Variants in CCL21 observed in about 807,000 individuals in gnomAD.
CCL21 encodes C-C motif chemokine ligand 21.
CCL21 carries 12 observed loss-of-function variants against 16.4 expected under a neutral mutation model. The observed-to-expected ratio is 0.73, with a 90% CI of 0.47 to 1.18. The LOEUF is 1.18. Among genes scored for constraint, CCL21 ranks in the 50% most tolerant of loss-of-function variants. The pLI, the probability that CCL21 is intolerant of heterozygous loss-of-function variation, is 0.00. For synonymous variants in CCL21, 64 were observed against 62.1 expected, an observed-to-expected ratio of 1.03 and a Z score of -0.15; for missense variants, 155 against 163.8, an observed-to-expected ratio of 0.95 and a Z score of 0.29.
At position 34,709,607 on chromosome 9, in the gene CCL21, CT is replaced by C. The variant is rs770770128; in HGVS notation, c.263del (p.Gln88ArgfsTer110). The C allele has an allele frequency of 6.2e-7, 1 of 1,614,048 alleles. No individual in the cohort carries two copies. The highest frequency in any genetic ancestry group is 8.5e-7 in the Non-Finnish European group (1 of 1,180,012). The stretch of plus-strand genomic sequence containing the variant: ...GTGGGGATGGTGTCTTGTCCAGATG[CT>C]GCATCAGCTGCTGCACCCAGAGCTC... Reference protein sequence around the residue: ...PKELWVQQLMQHLDKTPSPQK... With the variant: ...PKELWVQQLMXHLDKTPSPQK... On this transcript the variant is annotated frameshift_variant, in exon 3 of 4. Transcript: ENST00000259607. LOFTEE classifies it high-confidence loss of function.
Position 34,709,403 on chromosome 9 carries a change from T to A in CCL21, c.396A>T (p.Lys132Asn), listed in dbSNP as rs767802042. 6.2e-7 allele frequency: 1 copy of A among 1,609,244 alleles called. No individual in the cohort carries two copies. The highest frequency in any genetic ancestry group is 1.3e-5 in the African/African-American group (1 of 74,492). Reference protein sequence around the residue: ...CKRTERSQTPKGP With the variant: ...CKRTERSQTPNGP Reference sequence around the variant, plus strand: ...CAGGCTGCTCACTGGGCTATGGCCCTTTAGGGGTCTGTGACCGCTCAGTCC... The same window carrying A: ...CAGGCTGCTCACTGGGCTATGGCCCATTAGGGGTCTGTGACCGCTCAGTCC... The change falls in exon 4 of 4, where the codon AAA (lysine) becomes AAT (asparagine). Residue 132 changes from lysine to asparagine, a missense_variant. Physicochemically the swap from Lys to Asn is moderately conservative, Grantham distance 94 (BLOSUM62 0). Coordinates refer to ENST00000259607, the MANE Select transcript of CCL21 (RefSeq NM_002989.4).
chr9:34,709,195 G>T lies in CCL21; in HGVS notation c.*199C>A. On this transcript the variant is annotated 3_prime_UTR_variant, in exon 4 of 4. Coordinates refer to ENST00000259607, the MANE Select transcript of CCL21 (RefSeq NM_002989.4). ...TCCTCGGTCTCTCTGGACCTGGCCT[G>T]CTGTGGGCAGCTCAGCCATGCAGGG... The T allele has an allele frequency of 1.5e-6, 1 of 671,766 alleles. No homozygotes were observed. Among genetic ancestry groups the T allele is most frequent in the East Asian group, 2.7e-5 (1 of 37,430 alleles). The allele number at this position is 671,766 out of a possible 1,614,324, so 41.6% of individuals were successfully genotyped here.
Position 34,709,761 on chromosome 9 carries a change from C to T in CCL21, c.188+16G>A. ...CCCCGTCACCAGCCAGTACCCACCC[C>T]TTTGTGTCCACTCACAGGATAGCTG... On this transcript the variant is annotated intron_variant, in intron 2 of 3. Transcript: ENST00000259607. 1 of 1,614,198 alleles carries T rather than the reference C, an allele frequency of 6.2e-7. No individual in the cohort carries two copies. Among genetic ancestry groups the T allele is most frequent in the South Asian group, 1.1e-5 (1 of 91,086 alleles).
rs539376444 is a variant in CCL21 at position 34,709,807 on chromosome 9, G to C, written c.158C>G (p.Pro53Arg). ...KVVRSYRKQEPSLGCSIPAIL... is the reference protein window; with the variant it reads ...KVVRSYRKQERSLGCSIPAIL... ...AGCTGGGATGGAGCAGCCTAAGCTTGGTTCCTGCTTCCGGTAGCTGCGGAC... is the reference window on the plus strand; with the variant it reads ...AGCTGGGATGGAGCAGCCTAAGCTTCGTTCCTGCTTCCGGTAGCTGCGGAC... Residue 53 changes from proline (P) to arginine (R), a missense_variant, in exon 2 of 4, where the codon CCA becomes CGA. Coordinates refer to ENST00000259607, the MANE Select transcript of CCL21 (RefSeq NM_002989.4). 2.5e-5 allele frequency: 40 copies of C among 1,614,074 alleles called. No homozygotes were observed. Among genetic ancestry groups the C allele is most frequent in the Non-Finnish European group, 3.3e-5 (39 of 1,179,998 alleles).
chr9:34,710,096 G>A lies in CCL21; in HGVS notation c.-30C>T, dbSNP rs1821963302. ...GTGGTAGAGGGTGAGTAAGAGGCCA[G>A]AGCTGAGGGTGAGGTGGGCAGCTGC... On this transcript the variant is annotated 5_prime_UTR_variant, in exon 1 of 4. Coordinates refer to ENST00000259607, the MANE Select transcript of CCL21 (RefSeq NM_002989.4). The A allele has an allele frequency of 6.2e-7, 1 of 1,603,474 alleles. No individual in the cohort carries two copies. The highest frequency in any genetic ancestry group is 2.2e-5 in the East Asian group (1 of 44,616).
rs759733358 is a variant in CCL21, at chr9:34,709,648, A to G, written c.223T>C (p.Cys75Arg). The change falls in exon 3 of 4, where the codon TGT becomes CGT. Residue 75 changes from cysteine to arginine, a missense_variant. Transcript: ENST00000259607. Reference sequence around the variant, plus strand: ...ACCCAGAGCTCCTTTGGGTCTGCACATAGCTCTGCCTGAGAGCGCTTGCGG... The same window carrying G: ...ACCCAGAGCTCCTTTGGGTCTGCACGTAGCTCTGCCTGAGAGCGCTTGCGG... ...LPRKRSQAEL[C>R]ADPKELWVQQ... The G allele has an allele frequency of 6.2e-7, 1 of 1,614,144 alleles. No homozygotes were observed.
intron 2 of CCL21, 26 bp downstream of exon 2, chr9:34,709,751 G>T: frequency 1.9e-6 from 3 of 1,607,584 alleles, no homozygotes; most frequent in African/African-American, 2.7e-5. Flanking sequence ...TCACCAGCCA[G>T]TACCCACCCC....
Position 34,709,296 on chromosome 9 carries a change from A to G in CCL21, c.*98T>C. 7.0e-7 allele frequency: 1 copy of G among 1,432,684 alleles called. No individual in the cohort carries two copies. The highest frequency in any genetic ancestry group is 9.6e-7 in the Non-Finnish European group (1 of 1,036,442). The allele number at this position is 1,432,684 out of a possible 1,614,324, so 88.7% of individuals were successfully genotyped here. A position where few individuals can be genotyped will look rare whatever the true frequency, so the allele number is the denominator to read the frequency against. ...AAGGCCAGCATGGGGTGGCTGCTCCAGGGCCCCTGAGCATAGCCTCCTTCT... is the reference window on the plus strand; with the variant it reads ...AAGGCCAGCATGGGGTGGCTGCTCCGGGGCCCCTGAGCATAGCCTCCTTCT... On this transcript the variant is annotated 3_prime_UTR_variant, in exon 4 of 4. Coordinates refer to ENST00000259607, the MANE Select transcript of CCL21 (RefSeq NM_002989.4).
Position 34,709,672 on chromosome 9 carries a change from G to T in CCL21, c.199C>A (p.Arg67Ser). 6.2e-7 allele frequency: 1 copy of T among 1,613,972 alleles called. No individual in the cohort carries two copies. Among genetic ancestry groups the T allele is most frequent in the Non-Finnish European group, 8.5e-7 (1 of 1,179,914 alleles). Reference protein sequence around the residue: ...CSIPAILFLPRKRSQAELCAD... With the variant: ...CSIPAILFLPSKRSQAELCAD... Reference sequence around the variant, plus strand: ...CATAGCTCTGCCTGAGAGCGCTTGCGGGGCAAGAACCTGCGGGTGGGGGCT... The same window carrying T: ...CATAGCTCTGCCTGAGAGCGCTTGCTGGGCAAGAACCTGCGGGTGGGGGCT... The change falls in exon 3 of 4, where the codon CGC (arginine) becomes AGC (serine). Residue 67 changes from arginine (R) to serine (S), a missense_variant. Coordinates refer to ENST00000259607, the MANE Select transcript of CCL21 (RefSeq NM_002989.4).
chr9:34,709,918 G>A (rs755068935), intron 1 of CCL21, 21 bp from the exon 2 acceptor site: 21 of 1,614,058 alleles, frequency 1.3e-5, no homozygotes, highest in Non-Finnish European at 5.1e-6. Flanking sequence ...GGATTCACAG[G>A]GAGCCAGGGG....
chr9:34,709,094 G>T lies in CCL21; in HGVS notation c.*300C>A, dbSNP rs1821947362. The T allele has an allele frequency of 4.0e-6, 2 of 501,798 alleles. No homozygotes were observed. The highest frequency in any genetic ancestry group is 7.0e-6 in the Non-Finnish European group (2 of 285,282). The allele number at this position is 501,798 out of a possible 1,614,324, so 31.1% of individuals were successfully genotyped here. On this transcript the variant is annotated 3_prime_UTR_variant, in exon 4 of 4. Transcript: ENST00000259607. ...TGGGGTGTACTGGGGAGCCGTATCA[G>T]GTCCAGGGTCCTGATGATTCTCCTT... is the stretch of plus-strand genomic sequence containing the variant.
In CCL21 at chr9:34,709,434, G is replaced by A. The variant is rs1303469606; in HGVS notation, c.372-7C>T. On this transcript the variant is annotated splice_polypyrimidine_tract_variant and splice_region_variant and intron_variant, in intron 3 of 3. Coordinates refer to ENST00000259607, the MANE Select transcript of CCL21 (RefSeq NM_002989.4). ...GGTCTGTGACCGCTCAGTCCTGTGA[G>A]GGCAGAAGAGGGGTGTGAGGGGCTG... 2.5e-6 allele frequency: 4 copies of A among 1,612,602 alleles called. No individual in the cohort carries two copies. The highest frequency in any genetic ancestry group is 1.3e-5 in the African/African-American group (1 of 74,726).
chr9:34,709,312 GCCT>G lies in CCL21; in HGVS notation c.*79_*81del. 6.5e-7 allele frequency: 1 copy of G among 1,541,126 alleles called. No homozygotes were observed. The highest frequency in any genetic ancestry group is 1.9e-5 in the Admixed American group (1 of 52,392). ...GGCTGCTCCAGGGCCCCTGAGCATA[GCCT>G]CCTTCTTGCATCTTGGGTTCAGGCT... On this transcript the variant is annotated 3_prime_UTR_variant, in exon 4 of 4. Transcript: ENST00000259607.
Position 34,709,369 on chromosome 9 carries a change from C to T in CCL21, c.*25G>A, listed in dbSNP as rs770321160. The T allele has an allele frequency of 3.7e-6, 6 of 1,604,704 alleles. No individual in the cohort carries two copies. In the South Asian group the frequency reaches 6.7e-5, roughly 18 times the overall value. ...AGCGCTGGTGAGGCTGGTGGGGTCTCCAGGGCTCCAGGCTGCTCACTGGGC... is the reference window on the plus strand; with the variant it reads ...AGCGCTGGTGAGGCTGGTGGGGTCTTCAGGGCTCCAGGCTGCTCACTGGGC... On this transcript the variant is annotated 3_prime_UTR_variant, in exon 4 of 4. Transcript: ENST00000259607.
rs776864576 is a variant in CCL21 at position 34,709,542 on chromosome 9, G to A, written c.329C>T (p.Ser110Phe). 31 of 1,614,004 alleles carry A rather than the reference G, an allele frequency of 1.9e-5. No individual in the cohort carries two copies. In the African/African-American group the frequency reaches 3.3e-4, roughly 17 times the overall value. The change falls in exon 3 of 4, where the codon TCC becomes TTC. Residue 110 changes from serine to phenylalanine, a missense_variant. Physicochemically the swap from Ser to Phe is radical, Grantham distance 155. Coordinates refer to ENST00000259607, the MANE Select transcript of CCL21 (RefSeq NM_002989.4). ...GCCCTTTCCTTTCTTGCCAGTCTTGGAGGCCCCCCTGTCCTTCCTGCAGCC... is the reference window on the plus strand; with the variant it reads ...GCCCTTTCCTTTCTTGCCAGTCTTGAAGGCCCCCCTGTCCTTCCTGCAGCC... ...AQGCRKDRGA[S>F]KTGKKGKGSK...
Position 34,709,604 on chromosome 9 carries a change from A to C in CCL21, c.267T>G (p.His89Gln), listed in dbSNP as rs939141004. 18 of 1,613,970 alleles carry C rather than the reference A, an allele frequency of 1.1e-5. No individual in the cohort carries two copies. The highest frequency in any genetic ancestry group is 1.5e-5 in the Non-Finnish European group (18 of 1,180,002). The change falls in exon 3 of 4, where the codon CAT becomes CAG. Residue 89 changes from histidine to glutamine, a missense_variant. His to Gln is a conservative substitution (Grantham distance 24). Transcript: ENST00000259607. ...KELWVQQLMQ[H>Q]LDKTPSPQKP... is the part of the protein sequence containing the mutation. ...TCTGTGGGGATGGTGTCTTGTCCAG[A>C]TGCTGCATCAGCTGCTGCACCCAGA... is the stretch of plus-strand genomic sequence containing the variant.
In CCL21 at chr9:34,709,552, T is replaced by A; in HGVS notation, c.319A>T (p.Arg107Trp). 1 of 1,614,178 alleles carries A rather than the reference T, an allele frequency of 6.2e-7. No homozygotes were observed. Among genetic ancestry groups the A allele is most frequent in the Non-Finnish European group, 8.5e-7 (1 of 1,180,002 alleles). The change falls in exon 3 of 4, where the codon AGG becomes TGG. Residue 107 changes from arginine to tryptophan, a missense_variant. Arg to Trp is a moderately radical substitution (Grantham distance 101, BLOSUM62 -3). Transcript: ENST00000259607. ...TTCTTGCCAGTCTTGGAGGCCCCCC[T>A]GTCCTTCCTGCAGCCCTGGGCTGGT... Reference protein sequence around the residue: ...QKPAQGCRKDRGASKTGKKGK... With the variant: ...QKPAQGCRKDWGASKTGKKGK...
In CCL21 at chr9:34,709,489, A is replaced by G; in HGVS notation, c.371+11T>C. ...AGGCTCCCCTTTACCCACATCCCTC[A>G]GATTCCTCACCTCTTGCAGCCTTTG... On this transcript the variant is annotated intron_variant, in intron 3 of 3. Coordinates refer to ENST00000259607, the MANE Select transcript of CCL21 (RefSeq NM_002989.4). The G allele has an allele frequency of 6.2e-7, 1 of 1,613,952 alleles. No homozygotes were observed. The highest frequency in any genetic ancestry group is 8.5e-7 in the Non-Finnish European group (1 of 1,179,922).
chr9:34,709,208 C>A lies in CCL21; in HGVS notation c.*186G>T. The stretch of plus-strand genomic sequence containing the variant: ...TGGACCTGGCCTGCTGTGGGCAGCT[C>A]AGCCATGCAGGGTAGAGCTGGGAAT... On this transcript the variant is annotated 3_prime_UTR_variant, in exon 4 of 4. Coordinates refer to ENST00000259607, the MANE Select transcript of CCL21 (RefSeq NM_002989.4). 1 of 733,686 alleles carries A rather than the reference C, an allele frequency of 1.4e-6. No homozygotes were observed. Among genetic ancestry groups the A allele is most frequent in the Non-Finnish European group, 2.3e-6 (1 of 437,316 alleles). The allele number at this position is 733,686 out of a possible 1,614,324, so 45.4% of individuals were successfully genotyped here.
Sources: gnomAD v4.1 joint callset for allele counts on GRCh38, gnomAD v4.1.1 for gene constraint, MANE v1.5 for transcripts, NCBI Gene and HGNC (gene_info 2026-07-23, HGNC 2026-07-21) for gene names.